GRM4: variants seen among roughly 807,000 people sequenced by gnomAD.
The protein encoded by GRM4 is metabotropic glutamate receptor 4.
GRM4 carries 28 observed loss-of-function variants against 81.7 expected under a neutral mutation model. That is an observed-to-expected ratio of 0.34 (90% CI 0.25 to 0.47). GRM4 has a LOEUF of 0.47. Among genes scored for constraint, GRM4 ranks in the 20% least tolerant of loss-of-function variants. GRM4 has a pLI of 1.00. For synonymous variants in GRM4, 488 were observed against 528.8 expected (o/e 0.92, Z 1.06); for missense variants, 948 against 1,290.0 (o/e 0.73, Z 4.06).
rs572550212 is a variant in GRM4 at position 34,061,993 on chromosome 6, G to A, written c.772C>T (p.Arg258Trp). ...VCIAQSVKIP[R>W]EPKAGEFDKI... ...TCGAACTCGCCTGCCTTGGGCTCCC[G>A]TGGTATCTTCACCGACTGGGCGATG... The change falls in exon 4 of 11, where the codon CGG (arginine) becomes TGG (tryptophan). Residue 258 changes from arginine (R) to tryptophan (W), a missense_variant. Physicochemically the swap from Arg to Trp is moderately radical, Grantham distance 101. Transcript: ENST00000538487. The A allele has an allele frequency of 1.8e-5, 29 of 1,613,740 alleles. No individual in the cohort carries two copies. In the South Asian group the frequency reaches 2.1e-4, roughly 12 times the overall value.
In GRM4 at chr6:34,069,163, C is replaced by T. The variant is rs1010479766; in HGVS notation, c.737-7135G>A. On this transcript the variant is annotated intron_variant, in intron 3 of 10. Coordinates refer to ENST00000538487, the MANE Select transcript of GRM4 (RefSeq NM_000841.4). The surrounding 1 kb of genome is among the most constrained non-coding windows in gnomAD (Gnocchi z 6.4). ...GAAGCTACCCCTGGACCCTCATGGG[C>T]GTATACACACACACACACACACACA... Among the ~76,000 whole-genome samples the T allele has an allele frequency of 1.3e-4, 17 of 133,080 alleles. No individual in the cohort carries two copies. Among genetic ancestry groups the T allele is most frequent in the African/African-American group, 3.5e-4 (12 of 34,042 alleles). The allele number at this position is 133,080 out of a possible 152,430, so 87.3% of individuals were successfully genotyped here.
intron 2 of GRM4, among the ~76,000 whole-genome samples, chr6:34,107,480 G>T (rs187172637): frequency 7.4e-4 from 113 of 152,274 alleles, no homozygotes; most frequent in African/African-American, 2.6e-3. Flanking sequence ...ACCCACACAC[G>T]AATACACACA....
At chr6:34,154,434 C>T (rs1771105782) in intron 1 of GRM4, among the ~76,000 whole-genome samples, 1 of 152,206 alleles carries the variant, frequency 6.6e-6, no homozygotes, top group Admixed American at 6.5e-5. Context: ...AGGCATCCCG[C>T]TCACTGGTCT....
chr6:34,022,963 C>T lies in GRM4; in HGVS notation c.2690-93G>A. On this transcript the variant is annotated intron_variant, in intron 10 of 10. Coordinates refer to ENST00000538487, the MANE Select transcript of GRM4 (RefSeq NM_000841.4). The surrounding 1 kb of genome is among the most constrained non-coding windows in gnomAD (Gnocchi z 5.6). ...GGGCACAGCCCTGCACAAGAACCTA[C>T]CATAGCTCCCCGCCTCTCATGGCAT... 1 of 931,374 alleles carries T rather than the reference C, an allele frequency of 1.1e-6. No individual in the cohort carries two copies. Among genetic ancestry groups the T allele is most frequent in the Non-Finnish European group, 1.8e-6 (1 of 568,604 alleles). 57.7% of individuals were successfully genotyped at this position (931,374 alleles called of 1,614,324 possible).
chr6:34,039,951 G>A (rs1007423166), intron 8 of GRM4, among the ~76,000 whole-genome samples: 2 of 152,204 alleles, frequency 1.3e-5, no homozygotes, highest in Non-Finnish European at 2.9e-5. Context: ...AAGGGAGGGG[G>A]CAGGGACCAG....
At chr6:34,108,809 G>A (rs60784100) in intron 2 of GRM4, among the ~76,000 whole-genome samples, 3,074 of 152,144 alleles carry the variant, frequency 0.02, 34 homozygotes, top group Non-Finnish European at 0.032. Context: ...TGCCCACCGA[G>A]GTCCCCTGCT....
In GRM4 at chr6:34,080,038, G is replaced by A. The variant is rs532396457; in HGVS notation, c.736+11845C>T. On this transcript the variant is annotated intron_variant, in intron 3 of 10. Coordinates refer to ENST00000538487, the MANE Select transcript of GRM4 (RefSeq NM_000841.4). This position sits in a 1 kb window ranked among gnomAD's most constrained non-coding sequence, Gnocchi z 5.4. ...CCATGCAATTTGCCCTCCTCCGGCC[G>A]TATGTCTCCCTGCCTCACTCATTCT... Among the ~76,000 whole-genome samples the A allele has an allele frequency of 3.3e-5, 5 of 152,254 alleles. No individual in the cohort carries two copies. The highest frequency in any genetic ancestry group is 1.9e-4 in the East Asian group (1 of 5,172).
chr6:34,095,520 C>T (rs1473336497), intron 2 of GRM4, among the ~76,000 whole-genome samples: 1 of 152,238 alleles, frequency 6.6e-6, no homozygotes, highest in Non-Finnish European at 1.5e-5. Context: ...CAATAGCTGT[C>T]TCCTAAGGCT....
intron 10 of GRM4, among the ~76,000 whole-genome samples, chr6:34,025,259 G>T (rs949756700): frequency 5.9e-5 from 9 of 152,122 alleles, no homozygotes; most frequent in African/African-American, 2.2e-4. Flanking sequence ...AACAGCAGTG[G>T]CTATGCGAAT....
intron 1 of GRM4, among the ~76,000 whole-genome samples, chr6:34,140,943 G>A (rs538309208): frequency 6.6e-6 from 1 of 152,304 alleles, no homozygotes; most frequent in African/African-American, 2.4e-5. Flanking sequence ...TCCATCCCTC[G>A]GCTGCACCGA....
chr6:34,093,582 G>A (rs369516768), intron 2 of GRM4, among the ~76,000 whole-genome samples: 28 of 152,308 alleles, frequency 1.8e-4, no homozygotes, highest in East Asian at 5.8e-4. Flanking sequence ...GGTGGCAGGT[G>A]GTGTATGGGT....
chr6:34,060,596 A>T (rs1581634022), intron 4 of GRM4: 1 of 152,222 alleles, frequency 6.6e-6, no homozygotes, highest in African/African-American at 2.4e-5. Context: ...CCTCAAAAAC[A>T]GCAGGCCTGG....
At chr6:34,044,651 T>TACATACACATATATACAC (rs1765239183) in intron 6 of GRM4, among the ~76,000 whole-genome samples, 2 of 135,560 alleles carry the variant, frequency 1.5e-5, no homozygotes, top group Non-Finnish European at 3.1e-5. Context: ...CACATATACA[T>TACATACACATATATACAC]ACATACACAT....
rs201101810 is a variant in GRM4 at position 34,035,731 on chromosome 6, G to C, written c.2379C>G (p.Thr793=). The C allele has an allele frequency of 1.9e-6, 3 of 1,606,234 alleles. No individual in the cohort carries two copies. The highest frequency in any genetic ancestry group is 2.7e-5 in the African/African-American group (2 of 74,736). Residue 793 remains threonine, a synonymous_variant, in exon 9 of 11, where the codon ACC becomes ACG. Coordinates refer to ENST00000538487, the MANE Select transcript of GRM4 (RefSeq NM_000841.4). The surrounding 1 kb of genome is among the most constrained non-coding windows in gnomAD (Gnocchi z 6.6). ...TGAAGGCCAGCCAGACGATGCAAGT[G>C]GTGTACATGGTGAAGCCAATGGGCT... is the stretch of plus-strand genomic sequence containing the variant. ...EAKPIGFTMY[T]TCIVWLAFIP...
In GRM4 at chr6:34,075,103, C is replaced by T. The variant is rs114590302; in HGVS notation, c.737-13075G>A. On this transcript the variant is annotated intron_variant, in intron 3 of 10. Coordinates refer to ENST00000538487, the MANE Select transcript of GRM4 (RefSeq NM_000841.4). The stretch of plus-strand genomic sequence containing the variant: ...CGAGGTCATGCCCTGGTCTGACCCG[C>T]GGGCAGTGCAGTGGGGCTGTGGCGA... Among the ~76,000 whole-genome samples, 462 of 151,978 alleles carry T rather than the reference C, an allele frequency of 3.0e-3. 2 individuals are homozygous for T. Among genetic ancestry groups the T allele is most frequent in the African/African-American group, 0.01 (420 of 41,554 alleles).
chr6:34,102,166 A>G (rs1379152965), intron 2 of GRM4: 2 of 1,534,696 alleles, frequency 1.3e-6, no homozygotes, highest in Admixed American at 2.0e-5. Context: ...TGTGCAGGGG[A>G]CAGGAGCAAT....
At chr6:34,033,410 G>C (rs144302146) in intron 9 of GRM4, among the ~76,000 whole-genome samples, 4 of 151,972 alleles carry the variant, frequency 2.6e-5, no homozygotes, top group African/African-American at 9.7e-5. Flanking sequence ...TGCTGGGGAT[G>C]GGGGGGTGCT....
chr6:34,034,639 C>T lies in GRM4; in HGVS notation c.2442+1029G>A, dbSNP rs1764598699. 2.6e-5 allele frequency among the ~76,000 whole-genome samples: 4 copies of T among 152,268 alleles called. No individual in the cohort carries two copies. ...GGCTTCCTCAGCTCCACACTCCTTACAGTGTATTAACTGTTTGTGCACCCA... is the reference window on the plus strand; with the variant it reads ...GGCTTCCTCAGCTCCACACTCCTTATAGTGTATTAACTGTTTGTGCACCCA... On this transcript the variant is annotated intron_variant, in intron 9 of 10. Coordinates refer to ENST00000538487, the MANE Select transcript of GRM4 (RefSeq NM_000841.4). The surrounding 1 kb of genome is among the most constrained non-coding windows in gnomAD (Gnocchi z 4.0).
At chr6:34,125,856 CAGG>C (rs910058249) in intron 2 of GRM4, among the ~76,000 whole-genome samples, 24 of 152,234 alleles carry the variant, frequency 1.6e-4, no homozygotes, top group African/African-American at 4.8e-4. Flanking sequence ...GCCCTCCCCT[CAGG>C]AGAACTGCCC....
Sources: gnomAD v4.1 joint callset for allele counts (sites outside exome capture counted in the v4.1 genomes callset) on GRCh38, gnomAD v4.1.1 for gene constraint, Gnocchi (gnomAD v3.1) non-coding constraint, MANE v1.5 for transcripts, NCBI Gene and HGNC (gene_info 2026-07-23, HGNC 2026-07-21) for gene names.